Variants in C1RL observed in about 807,000 individuals in gnomAD.
The protein encoded by C1RL is complement C1r subcomponent-like protein.
In C1RL, 27 loss-of-function variants were observed where a neutral mutation model predicts 27.9. That is an observed-to-expected ratio of 0.97 (90% CI 0.71 to 1.33). The LOEUF (loss-of-function observed/expected upper bound fraction) is 1.33. C1RL is among the 40% of genes most tolerant of loss of function. The pLI is 0.00. For synonymous variants in C1RL, 248 were observed against 252.1 expected (o/e 0.98, Z 0.15); for missense variants, 563 against 623.9 (o/e 0.90, Z 1.04).
In C1RL at chr12:7,094,559, G is replaced by GTA; in HGVS notation, c.*1830_*1831dup. On this transcript the variant is annotated 3_prime_UTR_variant, in exon 6 of 6. Transcript: ENST00000266542. ...TCTAGACATACACATATAAATATAG[G>GTA]TATATATATATTTTTTTGCCTTGGC... The GTA allele has an allele frequency of 1.9e-5, 10 of 515,088 alleles. No individual in the cohort carries two copies. The highest frequency in any genetic ancestry group is 1.0e-3 in the Middle Eastern group (1 of 1,002). 31.9% of individuals were successfully genotyped at this position (515,088 alleles called of 1,614,324 possible). A position where few individuals can be genotyped will look rare whatever the true frequency, so the allele number is the denominator to read the frequency against.
rs374924732 is a variant in C1RL at position 7,096,425 on chromosome 12, T to A, written c.1430A>T (p.Asp477Val). The A allele has an allele frequency of 1.9e-5, 30 of 1,613,072 alleles. No individual in the cohort carries two copies. Among genetic ancestry groups the A allele is most frequent in the East Asian group, 4.5e-5 (2 of 44,872 alleles). The change falls in exon 6 of 6, where the codon GAC (aspartate) becomes GTC (valine). Residue 477 changes from aspartate (D) to valine (V), a missense_variant. Physicochemically the swap from Asp to Val is radical, Grantham distance 152. Transcript: ENST00000266542. Reference sequence around the variant, plus strand: ...GCCATTCATCACTCCCTTGATCCAGTCCACATAGCTGAGCACCTTGGTGTA... The same window carrying A: ...GCCATTCATCACTCCCTTGATCCAGACCACATAGCTGAGCACCTTGGTGTA... Reference protein sequence around the residue: ...DFYTKVLSYVDWIKGVMNGKN With the variant: ...DFYTKVLSYVVWIKGVMNGKN
chr12:7,095,799 A>G lies in C1RL; in HGVS notation c.*592T>C, dbSNP rs2135750753. On this transcript the variant is annotated 3_prime_UTR_variant, in exon 6 of 6. Transcript: ENST00000266542. ...TTTCCTCATTTGTCACACATAGATA[A>G]TAACACATCCTTTGCAAATATGGTA... is the stretch of plus-strand genomic sequence containing the variant. 1.3e-6 allele frequency: 1 copy of G among 757,030 alleles called. No homozygotes were observed. The highest frequency in any genetic ancestry group is 6.8e-4 in the Middle Eastern group (1 of 1,480). 46.9% of individuals were successfully genotyped at this position (757,030 alleles called of 1,614,324 possible).
chr12:7,094,621 A>C lies in C1RL; in HGVS notation c.*1770T>G, dbSNP rs1190290134. 6.8e-5 allele frequency: 66 copies of C among 970,032 alleles called. No individual in the cohort carries two copies. The highest frequency in any genetic ancestry group is 8.0e-5 in the Non-Finnish European group (65 of 816,036). 60.1% of individuals were successfully genotyped at this position (970,032 alleles called of 1,614,324 possible). On this transcript the variant is annotated 3_prime_UTR_variant, in exon 6 of 6. Transcript: ENST00000266542. Reference sequence around the variant, plus strand: ...CATATCATTTTTTGCAATCATAAAAATAAGCAAAATAAAATAAAAACATTT... The same window carrying C: ...CATATCATTTTTTGCAATCATAAAACTAAGCAAAATAAAATAAAAACATTT...
chr12:7,108,230 C>CT, intron 2 of C1RL, 21 bp downstream of exon 2: 7 of 1,486,274 alleles, frequency 4.7e-6, no homozygotes, highest in Non-Finnish European at 5.5e-6. Context: ...CCTGGCGGGA[C>CT]CCCCCCCATC....
chr12:7,097,102 G>T lies in C1RL; in HGVS notation c.753C>A (p.Ala251=). Residue 251 remains alanine (A), a synonymous_variant, in exon 6 of 6, where the codon GCC becomes GCA. Coordinates refer to ENST00000266542, the MANE Select transcript of C1RL (RefSeq NM_016546.4). ...QNQTTLGSSR[A]KLGNFPWQAF... The stretch of plus-strand genomic sequence containing the variant: ...CTTGCCAGGGGAAGTTGCCCAGCTT[G>T]GCTCTGGAAGAACCGAGGGTCGTCT... 1.2e-6 allele frequency: 2 copies of T among 1,613,968 alleles called. No individual in the cohort carries two copies. Among genetic ancestry groups the T allele is most frequent in the Non-Finnish European group, 1.7e-6 (2 of 1,179,936 alleles).
chr12:7,099,671 C>T lies in C1RL; in HGVS notation c.691+15G>A. On this transcript the variant is annotated intron_variant, in intron 5 of 5. Transcript: ENST00000266542. ...AGGCTTGTTGGGGGAATGGTGCTAG[C>T]AGGTGGCTACTCACCAGGCATACAC... 3 of 1,551,842 alleles carry T rather than the reference C, an allele frequency of 1.9e-6. No individual in the cohort carries two copies. The highest frequency in any genetic ancestry group is 2.6e-6 in the Non-Finnish European group (3 of 1,146,996).
chr12:7,108,714 C>T (rs1205950477), intron 1 of C1RL: 10 of 567,474 alleles, frequency 1.8e-5, no homozygotes, highest in South Asian at 1.4e-4. Flanking sequence ...GGTTTTCCAT[C>T]CTCCGAAGAC....
In C1RL at chr12:7,108,282, G is replaced by A. The variant is rs766070863; in HGVS notation, c.269C>T (p.Pro90Leu). Residue 90 changes from proline (P) to leucine (L), a missense_variant, in exon 2 of 6, where the codon CCG becomes CTG. Transcript: ENST00000266542. ...AGAGTCCCCTGCACAGTCCTGGGAC[G>A]GCTCCAGGTCGAAGTCCTGGAAGAC... ...RLVFQDFDLE[P>L]SQDCAGDSVT... 1.2e-6 allele frequency: 2 copies of A among 1,613,954 alleles called. No homozygotes were observed. Among genetic ancestry groups the A allele is most frequent in the Admixed American group, 1.7e-5 (1 of 60,008 alleles).
Position 7,096,133 on chromosome 12 carries a change from C to A in C1RL, c.*258G>T. 1 of 1,260,710 alleles carries A rather than the reference C, an allele frequency of 7.9e-7. No individual in the cohort carries two copies. The highest frequency in any genetic ancestry group is 3.4e-5 in the East Asian group (1 of 29,228). 78.1% of individuals were successfully genotyped at this position (1,260,710 alleles called of 1,614,324 possible). On this transcript the variant is annotated 3_prime_UTR_variant, in exon 6 of 6. Coordinates refer to ENST00000266542, the MANE Select transcript of C1RL (RefSeq NM_016546.4). ...GTTGAGATGTACAGGCTTCCCGGGGCCTAGTGCATGAGCACAGGGAGGTAG... is the reference window on the plus strand; with the variant it reads ...GTTGAGATGTACAGGCTTCCCGGGGACTAGTGCATGAGCACAGGGAGGTAG...
At chr12:7,107,219 A>T (rs1465765231) in intron 2 of C1RL, among the ~76,000 whole-genome samples, 1 of 150,980 alleles carries the variant, frequency 6.6e-6, no homozygotes, top group African/African-American at 2.4e-5. Flanking sequence ...CCCAGGCTGG[A>T]GTACGGTGTC....
chr12:7,096,463 T>C lies in C1RL; in HGVS notation c.1392A>G (p.Glu464=). 1 of 1,614,024 alleles carries C rather than the reference T, an allele frequency of 6.2e-7. No homozygotes were observed. Among genetic ancestry groups the C allele is most frequent in the Non-Finnish European group, 8.5e-7 (1 of 1,179,984 alleles). The part of the protein sequence containing the change: ...GIVSWGIGCG[E]GYDFYTKVLS... Reference sequence around the variant, plus strand: ...GCACCTTGGTGTAGAAGTCATACCCTTCGCCACACCCTATGCCCCAGGACA... The same window carrying C: ...GCACCTTGGTGTAGAAGTCATACCCCTCGCCACACCCTATGCCCCAGGACA... The change falls in exon 6 of 6, where the codon GAA becomes GAG. Residue 464 remains glutamate (E), a synonymous_variant. Coordinates refer to ENST00000266542, the MANE Select transcript of C1RL (RefSeq NM_016546.4).
intron 3 of C1RL, 90 bp from the exon 4 acceptor site, chr12:7,100,116 A>G (rs1938574890): frequency 1.6e-6 from 2 of 1,282,946 alleles, no homozygotes; most frequent in Non-Finnish European, 2.1e-6. Context: ...TGACTTGCAC[A>G]GTGTTTTATT....
intron 2 of C1RL, among the ~76,000 whole-genome samples, chr12:7,107,344 T>A (rs1180715235): frequency 6.6e-6 from 1 of 152,052 alleles, no homozygotes; most frequent in African/African-American, 2.4e-5. Context: ...AATTTTTAAA[T>A]TTTTTTGTAG....
Position 7,109,167 on chromosome 12 carries a change from C to CT in C1RL, c.13dup (p.Arg5LysfsTer164). 6.2e-7 allele frequency: 1 copy of CT among 1,601,526 alleles called. No homozygotes were observed. Among genetic ancestry groups the CT allele is most frequent in the Non-Finnish European group, 8.5e-7 (1 of 1,173,582 alleles). On this transcript the variant is annotated frameshift_variant, in exon 1 of 6. Transcript: ENST00000266542. LOFTEE classifies it high-confidence loss of function. ...TCTCCAGAGATATTTCCCCCACACT[C>CT]TGGGTCCAGGCATCTGGAACTGGAC...
Position 7,099,919 on chromosome 12 carries a change from A to T in C1RL, c.598T>A (p.Tyr200Asn). 1 of 1,614,062 alleles carries T rather than the reference A, an allele frequency of 6.2e-7. No individual in the cohort carries two copies. Among genetic ancestry groups the T allele is most frequent in the Non-Finnish European group, 8.5e-7 (1 of 1,180,002 alleles). ...KVQNHCQEPY[Y>N]QAAAAGALTC... ...GACTCACCTGCTGCCGCGGCCTGAT[A>T]ATAGGGCTCCTGGCAGTGGTTCTGG... Residue 200 changes from tyrosine to asparagine, a missense_variant, in exon 4 of 6, where the codon TAT becomes AAT. Physicochemically the swap from Tyr to Asn is moderately radical, Grantham distance 143. Transcript: ENST00000266542.
At position 7,097,058 on chromosome 12, in the gene C1RL, C is replaced by A; in HGVS notation, c.797G>T (p.Gly266Val). Residue 266 changes from glycine to valine, a missense_variant, in exon 6 of 6, where the codon GGC becomes GTC. Transcript: ENST00000266542. ...FPWQAFTSIHGRGGGALLGDR... is the reference protein window; with the variant it reads ...FPWQAFTSIHVRGGGALLGDR... ...CCCCAGCAGGGCCCCGCCCCCACGG[C>A]CGTGGATACTGGTGAAGGCTTGCCA... 6.2e-7 allele frequency: 1 copy of A among 1,614,164 alleles called. No homozygotes were observed. The highest frequency in any genetic ancestry group is 1.1e-5 in the South Asian group (1 of 91,086).
intron 5 of C1RL, among the ~76,000 whole-genome samples, chr12:7,099,225 C>CAAAAAAAAAA (rs1180325788): frequency 4.5e-5 from 2 of 44,392 alleles, no homozygotes; most frequent in African/African-American, 1.7e-4. Flanking sequence ...AACTCCATCC[C>CAAAAAAAAAA]AAAAAAAAAA....
At position 7,095,350 on chromosome 12, in the gene C1RL, G is replaced by A. The variant is rs1391085333; in HGVS notation, c.*1041C>T. ...AGGATGGGCTGGATCTCCTGACCTC[G>A]TGATCCACCCACCTCGGACTCCTAA... On this transcript the variant is annotated 3_prime_UTR_variant, in exon 6 of 6. Transcript: ENST00000266542. The A allele has an allele frequency of 4.3e-5, 43 of 999,336 alleles. No homozygotes were observed. The highest frequency in any genetic ancestry group is 5.6e-5 in the Admixed American group (1 of 17,722). The allele number at this position is 999,336 out of a possible 1,614,324, so 61.9% of individuals were successfully genotyped here. A position where few individuals can be genotyped will look rare whatever the true frequency, so the allele number is the denominator to read the frequency against.
At chr12:7,097,283 G>GTTTT in intron 5 of C1RL, 120 bp from the exon 6 acceptor site, 5 of 612,184 alleles carry the variant, frequency 8.2e-6, no homozygotes, top group Non-Finnish European at 1.0e-5. Context: ...GGATCAGGAC[G>GTTTT]TTTTTTTTTT....
Sources: allele counts gnomAD v4.1 joint callset (sites outside exome capture counted in the v4.1 genomes callset), GRCh38; gene constraint gnomAD v4.1.1; transcripts MANE v1.5; gene names NCBI Gene and HGNC (gene_info 2026-07-23, HGNC 2026-07-21).